Variants in MED1 observed in about 807,000 individuals in gnomAD.
MED1 encodes mediator of RNA polymerase II transcription subunit 1.
A neutral mutation model predicts 121.3 loss-of-function variants in MED1; 17 were observed. That is an observed-to-expected ratio of 0.14 (90% CI 0.10 to 0.21). The LOEUF (loss-of-function observed/expected upper bound fraction) is 0.21. Ranked by LOEUF, MED1 falls within the 10% of genes least tolerant of loss-of-function variation. The pLI is 1.00. For synonymous variants in MED1, 661 were observed against 694.4 expected, an observed-to-expected ratio of 0.95 and a Z score of 0.76; for missense variants, 1,558 against 1,919.4, an observed-to-expected ratio of 0.81 and a Z score of 3.52.
In MED1 at chr17:39,410,837, C is replaced by T. The variant is rs1321808482; in HGVS notation, c.1500-116G>A. The T allele has an allele frequency of 2.1e-6, 3 of 1,402,972 alleles. No homozygotes were observed. The Admixed American group carries it at 7.8e-5, about 37-fold the overall frequency. The allele number at this position is 1,402,972 out of a possible 1,614,324, so 86.9% of individuals were successfully genotyped here. A position where few individuals can be genotyped will look rare whatever the true frequency, so the allele number is the denominator to read the frequency against. On this transcript the variant is annotated intron_variant, in intron 16 of 16. Transcript: ENST00000300651. ...GCAGTTTTCAGGTAGGGCAAATAAT[C>T]TGTAAGACAAAAATAGTTCTATCAA...
At position 39,405,088 on chromosome 17, in the gene MED1, T is replaced by G. The variant is rs935834793; in HGVS notation, c.*2387A>C. ...CCTTCTTTTGAAACAGAAGAATGAGTACACCTAGACAGGAGGGAGGTGTCC... is the reference window on the plus strand; with the variant it reads ...CCTTCTTTTGAAACAGAAGAATGAGGACACCTAGACAGGAGGGAGGTGTCC... On this transcript the variant is annotated 3_prime_UTR_variant, in exon 17 of 17. Coordinates refer to ENST00000300651, the MANE Select transcript of MED1 (RefSeq NM_004774.4). 5.2e-6 allele frequency: 5 copies of G among 960,754 alleles called. No homozygotes were observed. In the African/African-American group the frequency reaches 8.3e-5, roughly 16 times the overall value. 59.5% of individuals were successfully genotyped at this position (960,754 alleles called of 1,614,324 possible).
intron 13 of MED1, among the ~76,000 whole-genome samples, chr17:39,420,581 A>G (rs1313686871): frequency 6.6e-6 from 1 of 151,984 alleles, no homozygotes. Flanking sequence ...AGTCTATTGT[A>G]AAAGATTCAG....
chr17:39,440,856 C>CA lies in MED1; in HGVS notation c.212-180dup, dbSNP rs551980606. Among the ~76,000 whole-genome samples, 25 of 146,938 alleles carry CA rather than the reference C, an allele frequency of 1.7e-4. No homozygotes were observed. Among genetic ancestry groups the CA allele is most frequent in the South Asian group, 4.3e-4 (2 of 4,670 alleles). On this transcript the variant is annotated intron_variant, in intron 3 of 16. Coordinates refer to ENST00000300651, the MANE Select transcript of MED1 (RefSeq NM_004774.4). The surrounding 1 kb of genome is among the most constrained non-coding windows in gnomAD (Gnocchi z 4.1). Reference sequence around the variant, plus strand: ...CTGTGGCCTATGCAGTACTAAAGGTCAAAAAAAAAAGATCTATTTGAAAAA... The same window carrying CA: ...CTGTGGCCTATGCAGTACTAAAGGTCAAAAAAAAAAAGATCTATTTGAAAAA...
chr17:39,427,502 A>G, intron 10 of MED1, 199 bp downstream of exon 10: 2 of 382,148 alleles, frequency 5.2e-6, no homozygotes, highest in East Asian at 4.7e-5. Flanking sequence ...TTAAGCTCCT[A>G]TTATGTATGT....
At chr17:39,411,483 G>A (rs543960131) in intron 16 of MED1, among the ~76,000 whole-genome samples, 18 of 151,528 alleles carry the variant, frequency 1.2e-4, no homozygotes, top group Admixed American at 7.9e-4. Context: ...TTAGCCAGCC[G>A]TGGCGGTGCA....
chr17:39,431,351 C>G, intron 8 of MED1, 163 bp from the exon 9 acceptor site: 1 of 506,356 alleles, frequency 2.0e-6, no homozygotes, highest in Non-Finnish European at 3.5e-6. Flanking sequence ...AATCTCAGCT[C>G]ACCGCAACCT....
chr17:39,410,515 C>T lies in MED1; in HGVS notation c.1706G>A (p.Gly569Glu). 6.2e-7 allele frequency: 1 copy of T among 1,614,048 alleles called. No homozygotes were observed. The highest frequency in any genetic ancestry group is 8.5e-7 in the Non-Finnish European group (1 of 1,180,018). ...GTTTPTNTFP[G>E]GPITTLFNMS... ...ATTAAACAAGGTGGTAATGGGACCC[C>T]CCGGAAAGGTGTTGGTTGGTGTAGT... The change falls in exon 17 of 17, where the codon GGG (glycine) becomes GAG (glutamate). Residue 569 changes from glycine (G) to glutamate (E), a missense_variant. Gly to Glu is a moderately conservative substitution (Grantham distance 98). Transcript: ENST00000300651.
At chr17:39,423,910 T>G in intron 11 of MED1, 89 bp from the exon 12 acceptor site, 1 of 1,418,782 alleles carries the variant, frequency 7.0e-7, no homozygotes. Context: ...GAGACAGATT[T>G]TCCCTCTTAA....
Position 39,406,007 on chromosome 17 carries a change from G to C in MED1, c.*1468C>G, listed in dbSNP as rs768614841. ...AATAATCAGGAATGGCACAGTGCAG[G>C]TGTCAATATCAAAGTAAGGCCGCAG... On this transcript the variant is annotated 3_prime_UTR_variant, in exon 17 of 17. Transcript: ENST00000300651. 3.0e-6 allele frequency: 3 copies of C among 985,318 alleles called. No homozygotes were observed. The highest frequency in any genetic ancestry group is 2.4e-6 in the Non-Finnish European group (2 of 829,930). 61.0% of individuals were successfully genotyped at this position (985,318 alleles called of 1,614,324 possible). A position where few individuals can be genotyped will look rare whatever the true frequency, so the allele number is the denominator to read the frequency against.
At position 39,405,150 on chromosome 17, in the gene MED1, G is replaced by A. The variant is rs2048293144; in HGVS notation, c.*2325C>T. 1 of 1,470,790 alleles carries A rather than the reference G, an allele frequency of 6.8e-7. No homozygotes were observed. The highest frequency in any genetic ancestry group is 1.3e-5 in the South Asian group (1 of 75,096). The allele number at this position is 1,470,790 out of a possible 1,614,324, so 91.1% of individuals were successfully genotyped here. ...TATTCTGCCTCTTCTCCTCCACCCTGTGGAGAAATGCAGTGCTCCCTGGTT... is the reference window on the plus strand; with the variant it reads ...TATTCTGCCTCTTCTCCTCCACCCTATGGAGAAATGCAGTGCTCCCTGGTT... On this transcript the variant is annotated 3_prime_UTR_variant, in exon 17 of 17. Coordinates refer to ENST00000300651, the MANE Select transcript of MED1 (RefSeq NM_004774.4).
At chr17:39,439,280 C>T (rs2048649764) in intron 5 of MED1, 87 bp from the exon 6 acceptor site, 3 of 1,003,228 alleles carry the variant, frequency 3.0e-6, no homozygotes, top group Non-Finnish European at 4.4e-6. Context: ...TTCTATAGCA[C>T]ATGTTTTACA....
chr17:39,412,027 A>G (rs2048360385), intron 16 of MED1, among the ~76,000 whole-genome samples: 1 of 151,666 alleles, frequency 6.6e-6, no homozygotes, highest in South Asian at 2.1e-4. Flanking sequence ...AAAAGAAAAG[A>G]AAAATCTCTT....
intron 12 of MED1, 76 bp from the exon 13 acceptor site, chr17:39,423,521 C>T: frequency 1.4e-6 from 2 of 1,421,062 alleles, no homozygotes; most frequent in Non-Finnish European, 2.0e-6. Flanking sequence ...TTGATATCTA[C>T]ATTCATTCAC....
At position 39,451,250 on chromosome 17, in the gene MED1, C is replaced by T. The variant is rs1165367475; in HGVS notation, c.-188G>A. The T allele has an allele frequency of 1.7e-6, 1 of 604,698 alleles. No individual in the cohort carries two copies. The highest frequency in any genetic ancestry group is 1.9e-5 in the African/African-American group (1 of 52,372). 37.5% of individuals were successfully genotyped at this position (604,698 alleles called of 1,614,324 possible). On this transcript the variant is annotated 5_prime_UTR_variant, in exon 1 of 17. Coordinates refer to ENST00000300651, the MANE Select transcript of MED1 (RefSeq NM_004774.4). ...GGTGCTCGAGGCCGCCGCCATCTTCCCCAACGGAACTTCCCAAAATTCGCG... is the reference window on the plus strand; with the variant it reads ...GGTGCTCGAGGCCGCCGCCATCTTCTCCAACGGAACTTCCCAAAATTCGCG...
At chr17:39,416,203 C>A (rs902735844) in intron 14 of MED1, among the ~76,000 whole-genome samples, 1 of 152,034 alleles carries the variant, frequency 6.6e-6, no homozygotes, top group East Asian at 1.9e-4. Flanking sequence ...TTCAATTTTC[C>A]AAGATGAAGA....
intron 9 of MED1, among the ~76,000 whole-genome samples, chr17:39,428,448 C>T (rs1329205659): frequency 6.6e-6 from 1 of 152,054 alleles, no homozygotes; most frequent in East Asian, 1.9e-4. Context: ...CATGCCACTG[C>T]ACTCCAGCCC....
chr17:39,445,166 T>C (rs1447425335), intron 2 of MED1, among the ~76,000 whole-genome samples: 1 of 152,142 alleles, frequency 6.6e-6, no homozygotes. Context: ...AAACTAAATG[T>C]TTTGTCATAA....
At chr17:39,445,681 C>G (rs1419751098) in intron 2 of MED1, 2 of 152,116 alleles carry the variant, frequency 1.3e-5, no homozygotes, top group African/African-American at 4.8e-5. Context: ...TCTCTAATGA[C>G]AGTATCATTT....
At chr17:39,420,870 G>A (rs77801172) in intron 13 of MED1, among the ~76,000 whole-genome samples, 7,511 of 140,520 alleles carry the variant, frequency 0.053, 624 homozygotes, top group African/African-American at 0.19. Flanking sequence ...ATCTCTGCTC[G>A]CTGCAAGCTC....
Sources: allele counts gnomAD v4.1 joint callset (sites outside exome capture counted in the v4.1 genomes callset), GRCh38; gene constraint gnomAD v4.1.1; non-coding constraint Gnocchi (gnomAD v3.1); transcripts MANE v1.5; gene names NCBI Gene and HGNC (gene_info 2026-07-23, HGNC 2026-07-21).